The following SLC17A8 variants were observed in gnomAD, a reference collection of about 807,000 sequenced individuals.
SLC17A8 encodes the protein vesicular glutamate transporter 3.
SLC17A8 carries 31 observed loss-of-function variants against 58.0 expected under a neutral mutation model. That is an observed-to-expected ratio of 0.53 (90% CI 0.40 to 0.72). The LOEUF (loss-of-function observed/expected upper bound fraction) is 0.72, where lower values mean the gene tolerates loss of function less well. Ranked by LOEUF, SLC17A8 falls within the 30% of genes least tolerant of loss-of-function variation. The pLI, the probability that SLC17A8 is intolerant of heterozygous loss-of-function variation, is 0.00. For synonymous variants in SLC17A8, 228 were observed against 249.0 expected (o/e 0.92, Z 0.79); for missense variants, 655 against 727.8 (o/e 0.90, Z 1.15).
intron 1 of SLC17A8, among the ~76,000 whole-genome samples, chr12:100,377,487 C>T (rs527558142): frequency 1.2e-4 from 18 of 150,308 alleles, no homozygotes; most frequent in East Asian, 5.9e-4. Context: ...AGTAAGTGGG[C>T]GACTCAACAT....
intron 3 of SLC17A8, among the ~76,000 whole-genome samples, chr12:100,391,448 G>C (rs11837528): frequency 1.4e-5 from 2 of 138,608 alleles, no homozygotes; most frequent in African/African-American, 5.4e-5. Flanking sequence ...GGGATTAAAA[G>C]TGTGCACCAC....
At chr12:100,399,916 G>C (rs1427477821) in intron 5 of SLC17A8, among the ~76,000 whole-genome samples, 1 of 152,168 alleles carries the variant, frequency 6.6e-6, no homozygotes, top group Non-Finnish European at 1.5e-5. Context: ...CCACAGACCT[G>C]GGCTCCTGTC....
At chr12:100,406,033 A>G (rs943393926) in intron 9 of SLC17A8, among the ~76,000 whole-genome samples, 2 of 152,122 alleles carry the variant, frequency 1.3e-5, no homozygotes, top group Admixed American at 6.5e-5. Context: ...CCAAAGCCTC[A>G]CCCTTCTAAT....
rs532474470 is a variant in SLC17A8, at chr12:100,390,274, C to T, written c.355-727C>T. On this transcript the variant is annotated intron_variant, in intron 2 of 11. Coordinates refer to ENST00000323346, the MANE Select transcript of SLC17A8 (RefSeq NM_139319.3). ...GTCACCATGACCATTAATATAAATA[C>T]ATATATATTTAAATTTGTACATAAT... 4.3e-4 allele frequency among the ~76,000 whole-genome samples: 66 copies of T among 151,966 alleles called. No individual in the cohort carries two copies. In the South Asian group the frequency reaches 0.014, roughly 31 times the overall value.
chr12:100,413,416 CAAT>C (rs1401159723), intron 10 of SLC17A8, among the ~76,000 whole-genome samples: 1 of 152,102 alleles, frequency 6.6e-6, no homozygotes, highest in Non-Finnish European at 1.5e-5. Flanking sequence ...AGAATAATGA[CAAT>C]GATGATGTGA....
chr12:100,402,889 TTATACATTC>T, intron 8 of SLC17A8, 144 bp downstream of exon 8: 1 of 825,444 alleles, frequency 1.2e-6, no homozygotes, highest in Non-Finnish European at 1.9e-6. Context: ...GTCAGACAAG[TTATACATTC>T]TATGCATAGT....
chr12:100,380,623 T>C (rs1042460069), intron 1 of SLC17A8, 78 bp from the exon 2 acceptor site: 1 of 1,568,108 alleles, frequency 6.4e-7, no homozygotes, highest in African/African-American at 1.4e-5. Context: ...GCTGGTACCT[T>C]TTTTCTTTTT....
chr12:100,411,707 TC>T (rs1287432035), intron 9 of SLC17A8, among the ~76,000 whole-genome samples: 1 of 152,176 alleles, frequency 6.6e-6, no homozygotes, highest in East Asian at 1.9e-4. Context: ...AACTTTTTTT[TC>T]GGGTGAGAAG....
rs1204563003 is a variant in SLC17A8 at position 100,420,352 on chromosome 12, T to C, written c.*193T>C. The stretch of plus-strand genomic sequence containing the variant: ...AAGGAGCTGCGCTCAGTTGATAACA[T>C]AGTTGATAATACATATTTTTTGAAT... On this transcript the variant is annotated 3_prime_UTR_variant, in exon 12 of 12. Coordinates refer to ENST00000323346, the MANE Select transcript of SLC17A8 (RefSeq NM_139319.3). 4 of 572,022 alleles carry C rather than the reference T, an allele frequency of 7.0e-6. No homozygotes were observed. The highest frequency in any genetic ancestry group is 1.9e-5 in the African/African-American group (1 of 53,772). The allele number at this position is 572,022 out of a possible 1,614,324, so 35.4% of individuals were successfully genotyped here.
At chr12:100,380,994 CAG>C (rs1566391786) in intron 2 of SLC17A8, 41 bp downstream of exon 2, 2 of 1,611,590 alleles carry the variant, frequency 1.2e-6, no homozygotes, top group Non-Finnish European at 1.7e-6. Context: ...CTTTTTGAGA[CAG>C]GGTCTCGCTC....
At chr12:100,400,848 G>T (rs969761822) in intron 5 of SLC17A8, among the ~76,000 whole-genome samples, 1 of 151,934 alleles carries the variant, frequency 6.6e-6, no homozygotes, top group Admixed American at 6.6e-5. Context: ...CAATTATCTT[G>T]TCTAGACAAG....
chr12:100,363,789 C>T (rs1264236957), intron 1 of SLC17A8, among the ~76,000 whole-genome samples: 1 of 151,998 alleles, frequency 6.6e-6, no homozygotes, highest in Non-Finnish European at 1.5e-5. Context: ...ACCTGTAATC[C>T]CAGCACTTTG....
intron 1 of SLC17A8, among the ~76,000 whole-genome samples, chr12:100,376,998 C>T (rs971754070): frequency 9.9e-5 from 15 of 152,002 alleles, no homozygotes; most frequent in Non-Finnish European, 1.8e-4. Flanking sequence ...TTAGTAGAGA[C>T]GGGGTTTTGC....
intron 10 of SLC17A8, among the ~76,000 whole-genome samples, chr12:100,414,515 A>T (rs370645747): frequency 4.6e-5 from 7 of 152,184 alleles, no homozygotes; most frequent in Admixed American, 1.3e-4. Flanking sequence ...TAGAGATTGG[A>T]GAGATGAAAC....
chr12:100,412,942 A>G, intron 10 of SLC17A8, 62 bp downstream of exon 10: 25 of 1,302,096 alleles, frequency 1.9e-5, no homozygotes, highest in Non-Finnish European at 2.8e-5. Context: ...AGGAAGAAGG[A>G]AGGACAAGGA....
At position 100,401,768 on chromosome 12, in the gene SLC17A8, T is replaced by A; in HGVS notation, c.677-9T>A. On this transcript the variant is annotated splice_polypyrimidine_tract_variant and intron_variant, in intron 5 of 11. Coordinates refer to ENST00000323346, the MANE Select transcript of SLC17A8 (RefSeq NM_139319.3). ...TTGGTCAGATTCCCTCAATCTTTTC[T>A]TGTTCCAGGTTCCTATGCAGGGGCA... is the stretch of plus-strand genomic sequence containing the variant. 6.2e-7 allele frequency: 1 copy of A among 1,611,222 alleles called. No homozygotes were observed. The highest frequency in any genetic ancestry group is 8.5e-7 in the Non-Finnish European group (1 of 1,177,420).
intron 3 of SLC17A8, among the ~76,000 whole-genome samples, chr12:100,391,817 T>A (rs1291032198): frequency 2.0e-5 from 3 of 152,130 alleles, no homozygotes; most frequent in Non-Finnish European, 4.4e-5. Flanking sequence ...TGGACTAGAT[T>A]GTATTTCAGT....
intron 10 of SLC17A8, among the ~76,000 whole-genome samples, chr12:100,413,206 C>T (rs1178111087): frequency 6.6e-6 from 1 of 152,164 alleles, no homozygotes; most frequent in Non-Finnish European, 1.5e-5. Flanking sequence ...CACCATGTCA[C>T]CCTACCTGAC....
intron 5 of SLC17A8, among the ~76,000 whole-genome samples, chr12:100,397,062 A>G (rs1437216127): frequency 6.6e-6 from 1 of 152,164 alleles, no homozygotes; most frequent in East Asian, 1.9e-4. Context: ...CCCTAACTGT[A>G]TCATATGCTT....
Sources: gnomAD v4.1 joint callset for allele counts (sites outside exome capture counted in the v4.1 genomes callset) on GRCh38, gnomAD v4.1.1 for gene constraint, MANE v1.5 for transcripts, NCBI Gene and HGNC (gene_info 2026-07-23, HGNC 2026-07-21) for gene names.